KHDRBS2: variants seen among roughly 807,000 people sequenced by gnomAD.
KHDRBS2 encodes the protein KH RNA binding domain containing, signal transduction associated 2, also known as KH domain-containing, RNA-binding, signal transduction-associated protein 2.
In KHDRBS2, 26 loss-of-function variants were observed where a neutral mutation model predicts 44.3. The observed-to-expected ratio is 0.59, with a 90% confidence interval of 0.43 to 0.81. The LOEUF is 0.81. Among genes scored for constraint, KHDRBS2 ranks in the 40% least tolerant of loss-of-function variants. The probability of loss-of-function intolerance (pLI) is 0.00; values close to 1 mark genes in which losing one functional copy is unlikely to be tolerated. For missense variants in KHDRBS2, 476 were observed against 433.1 expected (o/e 1.10, Z -0.88); for synonymous variants, 194 against 151.1 (o/e 1.28, Z -2.08).
intron 4 of KHDRBS2, among the ~76,000 whole-genome samples, chr6:61,954,920 A>C (rs1330097752): frequency 1.7e-5 from 2 of 118,160 alleles, no homozygotes; most frequent in Middle Eastern, 0.017. Context: ...ATACATATAT[A>C]TGTATACACA....
chr6:62,148,509 G>A (rs1057223347), intron 2 of KHDRBS2, among the ~76,000 whole-genome samples: 1 of 151,762 alleles, frequency 6.6e-6, no homozygotes, highest in African/African-American at 2.4e-5. Context: ...TAAATCTCAC[G>A]ATCCCAGAAT....
chr6:61,909,576 T>C (rs1805674267), intron 4 of KHDRBS2, among the ~76,000 whole-genome samples: 1 of 152,148 alleles, frequency 6.6e-6, no homozygotes, highest in South Asian at 2.1e-4. Flanking sequence ...TCATGACTGC[T>C]CCTTTTTGCC....
At chr6:62,203,878 G>T (rs533703414) in intron 1 of KHDRBS2, among the ~76,000 whole-genome samples, 1 of 152,168 alleles carries the variant, frequency 6.6e-6, no homozygotes, top group African/African-American at 2.4e-5. Flanking sequence ...AATGGCAGAC[G>T]TTTGGATTAT....
At chr6:61,793,641 G>A (rs1057259747) in intron 6 of KHDRBS2, among the ~76,000 whole-genome samples, 77 of 151,798 alleles carry the variant, frequency 5.1e-4, no homozygotes, top group Admixed American at 4.6e-4. Context: ...GTCTATGGGG[G>A]TATGTTATAT....
At chr6:62,238,145 G>A (rs1342589038) in intron 1 of KHDRBS2, among the ~76,000 whole-genome samples, 1 of 151,958 alleles carries the variant, frequency 6.6e-6, no homozygotes. Flanking sequence ...AGTTTCACTT[G>A]GTATATTTTA....
At chr6:62,208,932 T>C (rs1828525720) in intron 1 of KHDRBS2, among the ~76,000 whole-genome samples, 1 of 152,204 alleles carries the variant, frequency 6.6e-6, no homozygotes, top group Admixed American at 6.5e-5. Flanking sequence ...CCCCTTGACA[T>C]GGACCTTGGC....
the KHDRBS2 span, chr6:61,574,384 C>A: frequency 1.3e-6 from 2 of 1,524,890 alleles, no homozygotes; most frequent in Non-Finnish European, 8.8e-7. Flanking sequence ...CTGACCTGCC[C>A]GTGAAGAGGC....
At chr6:61,719,427 T>C (rs1031139371) in intron 7 of KHDRBS2, among the ~76,000 whole-genome samples, 5 of 152,012 alleles carry the variant, frequency 3.3e-5, no homozygotes, top group Non-Finnish European at 7.4e-5. Context: ...TTTCAGAAGG[T>C]TGACCTTTGA....
chr6:61,583,403 T>C, the KHDRBS2 span, among the ~76,000 whole-genome samples: 1 of 151,786 alleles, frequency 6.6e-6, no homozygotes, highest in African/African-American at 2.4e-5. Context: ...GTTTACAGTT[T>C]GGGGCCAATA....
At chr6:62,089,537 T>C (rs1308085661) in intron 2 of KHDRBS2, among the ~76,000 whole-genome samples, 1 of 152,072 alleles carries the variant, frequency 6.6e-6, no homozygotes, top group Non-Finnish European at 1.5e-5. Context: ...CTCCTTCTGC[T>C]CGCCCTCCTT....
the KHDRBS2 span, among the ~76,000 whole-genome samples, chr6:61,623,942 G>A: frequency 6.6e-6 from 1 of 152,152 alleles, no homozygotes; most frequent in Non-Finnish European, 1.5e-5. Context: ...TTAGTCACCT[G>A]GTTATCTACT....
the KHDRBS2 span, among the ~76,000 whole-genome samples, chr6:61,623,443 T>C: frequency 6.6e-6 from 1 of 152,286 alleles, no homozygotes; most frequent in Non-Finnish European, 1.5e-5. Context: ...AATATATGCC[T>C]TCTGAGAAAC....
intron 2 of KHDRBS2, among the ~76,000 whole-genome samples, chr6:62,078,424 T>G (rs1002595476): frequency 1.1e-4 from 17 of 152,166 alleles, no homozygotes; most frequent in African/African-American, 4.1e-4. Context: ...TAAAGTATTT[T>G]AGATTATTTA....
chr6:62,093,546 C>T (rs1799891382), intron 2 of KHDRBS2, among the ~76,000 whole-genome samples: 1 of 151,974 alleles, frequency 6.6e-6, no homozygotes. Context: ...TTTAACAATA[C>T]ATTATTGTTA....
At chr6:61,584,252 A>G in the KHDRBS2 span, among the ~76,000 whole-genome samples, 1 of 151,834 alleles carries the variant, frequency 6.6e-6, no homozygotes, top group Non-Finnish European at 1.5e-5. Context: ...GCACAATGTT[A>G]AATAGAAGTG....
chr6:62,134,950 TC>T (rs1208938938), intron 2 of KHDRBS2, among the ~76,000 whole-genome samples: 1 of 152,190 alleles, frequency 6.6e-6, no homozygotes, highest in Non-Finnish European at 1.5e-5. Context: ...ACTTGCCTTG[TC>T]TCAGATGAGA....
chr6:62,039,953 A>C (rs1245812154), intron 3 of KHDRBS2, among the ~76,000 whole-genome samples: 1 of 152,102 alleles, frequency 6.6e-6, no homozygotes, highest in African/African-American at 2.4e-5. Context: ...GTGACATTAA[A>C]TCAGATATCC....
At chr6:61,872,778 A>G (rs1336855452) in intron 6 of KHDRBS2, among the ~76,000 whole-genome samples, 1 of 152,112 alleles carries the variant, frequency 6.6e-6, no homozygotes, top group Non-Finnish European at 1.5e-5. Flanking sequence ...ATGTTGTGTG[A>G]CCAGTGCCAA....
At chr6:62,069,604 C>G (rs1230189272) in intron 2 of KHDRBS2, among the ~76,000 whole-genome samples, 1 of 151,720 alleles carries the variant, frequency 6.6e-6, no homozygotes, top group Admixed American at 6.6e-5. Context: ...TGAGAGATCA[C>G]TTTCCACTGG....
Sources: gnomAD v4.1 joint callset for allele counts (sites outside exome capture counted in the v4.1 genomes callset) on GRCh38, gnomAD v4.1.1 for gene constraint, MANE v1.5 for transcripts, NCBI Gene and HGNC (gene_info 2026-07-23, HGNC 2026-07-21) for gene names.